ADAMTS14: variants seen among roughly 807,000 people sequenced by gnomAD.
ADAMTS14 encodes the protein A disintegrin and metalloproteinase with thrombospondin motifs 14.
ADAMTS14 carries 100 observed loss-of-function variants against 128.6 expected under a neutral mutation model. That is an observed-to-expected ratio of 0.78 (90% CI 0.66 to 0.92). The LOEUF (loss-of-function observed/expected upper bound fraction) is 0.92. ADAMTS14 is among the 40% of genes least tolerant of loss of function. The pLI is 0.00. For missense variants in ADAMTS14, 1,562 were observed against 1,658.6 expected (o/e 0.94, Z 1.01); for synonymous variants, 665 against 653.8 (o/e 1.02, Z -0.26).
At chr10:70,686,883 A>C (rs1444310200) in intron 2 of ADAMTS14, among the ~76,000 whole-genome samples, 7 of 58,890 alleles carry the variant, frequency 1.2e-4, no homozygotes, top group Admixed American at 3.8e-4. Context: ...GGGGGGGCTG[A>C]CCCCCCCCAC....
intron 15 of ADAMTS14, among the ~76,000 whole-genome samples, 184 bp from the exon 16 acceptor site, chr10:70,749,636 TGC>T (rs112579615): frequency 6.9e-6 from 1 of 145,926 alleles, no homozygotes; most frequent in Non-Finnish European, 1.5e-5. Context: ...TGTGTGTGTG[TGC>T]GCGCACGTGG....
chr10:70,688,028 A>G (rs1484973616), intron 2 of ADAMTS14, among the ~76,000 whole-genome samples: 2 of 55,008 alleles, frequency 3.6e-5, no homozygotes, highest in African/African-American at 7.2e-5. Context: ...CTCACTTCCC[A>G]GATGGGGTGG....
At chr10:70,758,868 GGATA>G (rs1842540262) in intron 21 of ADAMTS14, among the ~76,000 whole-genome samples, 2 of 152,056 alleles carry the variant, frequency 1.3e-5, no homozygotes, top group Admixed American at 6.6e-5. Context: ...ATCCACCCAC[GGATA>G]GATATTTACT....
At chr10:70,705,889 T>C (rs1452539829) in intron 3 of ADAMTS14, among the ~76,000 whole-genome samples, 1 of 152,194 alleles carries the variant, frequency 6.6e-6, no homozygotes. Context: ...GCTGTGAACA[T>C]TCATGTGCAA....
At chr10:70,707,214 G>A (rs1388723350) in intron 3 of ADAMTS14, among the ~76,000 whole-genome samples, 1 of 152,180 alleles carries the variant, frequency 6.6e-6, no homozygotes, top group Non-Finnish European at 1.5e-5. Context: ...CAGAGGCCCG[G>A]CCTTTATCAC....
intron 4 of ADAMTS14, among the ~76,000 whole-genome samples, chr10:70,709,658 G>A (rs1272137688): frequency 1.3e-5 from 2 of 151,942 alleles, no homozygotes; most frequent in African/African-American, 4.8e-5. Flanking sequence ...CTGCCACCAT[G>A]CCCGGCTAAT....
intron 2 of ADAMTS14, among the ~76,000 whole-genome samples, chr10:70,681,736 G>T (rs1839813014): frequency 6.6e-6 from 1 of 152,202 alleles, no homozygotes; most frequent in African/African-American, 2.4e-5. Flanking sequence ...GGTGTGGAGT[G>T]TGGAGGCTTG....
intron 4 of ADAMTS14, among the ~76,000 whole-genome samples, 158 bp from the exon 5 acceptor site, chr10:70,729,136 C>G (rs1841537741): frequency 6.6e-6 from 1 of 152,050 alleles, no homozygotes; most frequent in Non-Finnish European, 1.5e-5. Context: ...CATTTTGCCC[C>G]CTCAGTCTCA....
In ADAMTS14 at chr10:70,708,695, G is replaced by T; in HGVS notation, c.787G>T (p.Val263Leu). Residue 263 changes from valine (V) to leucine (L), a missense_variant, in exon 4 of 22, where the codon GTG (valine) becomes TTG (leucine). Val to Leu is a conservative substitution (Grantham distance 32). Coordinates refer to ENST00000373207, the MANE Select transcript of ADAMTS14 (RefSeq NM_080722.4). ...HAKPGSYSIEVLLVVDDSVVR... is the reference protein window; with the variant it reads ...HAKPGSYSIELLLVVDDSVVR... ...CAAGCCAGGCAGCTACAGCATCGAG[G>T]TGCTGCTGGTGGTGGACGACTCGGT... is the stretch of plus-strand genomic sequence containing the variant. 6.2e-7 allele frequency: 1 copy of T among 1,613,858 alleles called. No individual in the cohort carries two copies. The highest frequency in any genetic ancestry group is 1.3e-5 in the African/African-American group (1 of 74,996).
At position 70,761,084 on chromosome 10, in the gene ADAMTS14, G is replaced by C; in HGVS notation, c.*231G>C. The C allele has an allele frequency of 1.7e-6, 1 of 575,532 alleles. No individual in the cohort carries two copies. The highest frequency in any genetic ancestry group is 2.8e-6 in the Non-Finnish European group (1 of 356,846). 35.7% of individuals were successfully genotyped at this position (575,532 alleles called of 1,614,324 possible). A position where few individuals can be genotyped will look rare whatever the true frequency, so the allele number is the denominator to read the frequency against. ...ATACCTCAGCAAGCTGCCCCCGGCG[G>C]GACTGACCCTCTCAGGGCCCCTGTT... On this transcript the variant is annotated 3_prime_UTR_variant, in exon 22 of 22. Coordinates refer to ENST00000373207, the MANE Select transcript of ADAMTS14 (RefSeq NM_080722.4).
chr10:70,761,072 C>G lies in ADAMTS14; in HGVS notation c.*219C>G. The G allele has an allele frequency of 1.5e-6, 1 of 674,420 alleles. No homozygotes were observed. Among genetic ancestry groups the G allele is most frequent in the Non-Finnish European group, 2.3e-6 (1 of 439,746 alleles). The allele number at this position is 674,420 out of a possible 1,614,324, so 41.8% of individuals were successfully genotyped here. A position where few individuals can be genotyped will look rare whatever the true frequency, so the allele number is the denominator to read the frequency against. The stretch of plus-strand genomic sequence containing the variant: ...CCCTAATCGGAGATACCTCAGCAAG[C>G]TGCCCCCGGCGGGACTGACCCTCTC... On this transcript the variant is annotated 3_prime_UTR_variant, in exon 22 of 22. Coordinates refer to ENST00000373207, the MANE Select transcript of ADAMTS14 (RefSeq NM_080722.4).
At chr10:70,702,795 C>G (rs974848292) in intron 3 of ADAMTS14, among the ~76,000 whole-genome samples, 3 of 152,074 alleles carry the variant, frequency 2.0e-5, no homozygotes, top group African/African-American at 7.2e-5. Context: ...GTGAGTTCTT[C>G]CCCCCTAAAA....
intron 4 of ADAMTS14, among the ~76,000 whole-genome samples, chr10:70,709,059 G>T (rs976828041): frequency 1.4e-4 from 21 of 152,214 alleles, no homozygotes; most frequent in African/African-American, 4.6e-4. Context: ...GGCCTCCTGC[G>T]CTGGAGCCTG....
intron 12 of ADAMTS14, among the ~76,000 whole-genome samples, chr10:70,741,980 G>A (rs61852905): frequency 0.21 from 32,677 of 152,022 alleles, 4,467 homozygotes; most frequent in Non-Finnish European, 0.31. Flanking sequence ...ACAACTCTTG[G>A]CCCAGACAGC....
rs539115911 is a variant in ADAMTS14 at position 70,713,889 on chromosome 10, C to T, written c.870+5111C>T. 6.7e-4 allele frequency among the ~76,000 whole-genome samples: 102 copies of T among 152,278 alleles called. 1 individual carries two copies. Among genetic ancestry groups the T allele is most frequent in the African/African-American group, 2.3e-3 (95 of 41,550 alleles). ...GCTTATACTGCTGTGTGTCTGCAGA[C>T]CACTGCACAAGATATAATTGCAAGC... On this transcript the variant is annotated intron_variant, in intron 4 of 21. Coordinates refer to ENST00000373207, the MANE Select transcript of ADAMTS14 (RefSeq NM_080722.4).
intron 6 of ADAMTS14, among the ~76,000 whole-genome samples, chr10:70,731,799 C>T (rs1213654709): frequency 1.3e-5 from 2 of 152,212 alleles, no homozygotes; most frequent in Non-Finnish European, 2.9e-5. Context: ...AACCACAGTT[C>T]TTTAGCTGTG....
At chr10:70,717,321 G>A (rs906213455) in intron 4 of ADAMTS14, among the ~76,000 whole-genome samples, 3 of 152,132 alleles carry the variant, frequency 2.0e-5, no homozygotes, top group Non-Finnish European at 2.9e-5. Flanking sequence ...TCATTGCTGA[G>A]CCTGCCCTGG....
chr10:70,702,564 A>T, intron 3 of ADAMTS14, 96 bp downstream of exon 3: 1 of 1,452,936 alleles, frequency 6.9e-7, no homozygotes, highest in South Asian at 1.4e-5. Context: ...GTCTGGCCTC[A>T]GTCTTCTTAT....
intron 4 of ADAMTS14, among the ~76,000 whole-genome samples, chr10:70,717,184 C>A (rs916837139): frequency 2.0e-5 from 3 of 152,156 alleles, no homozygotes; most frequent in African/African-American, 7.2e-5. Flanking sequence ...TTTGGTCTGG[C>A]TGCAAAAACA....
Sources: allele counts gnomAD v4.1 joint callset (sites outside exome capture counted in the v4.1 genomes callset), GRCh38; gene constraint gnomAD v4.1.1; transcripts MANE v1.5; gene names NCBI Gene and HGNC (gene_info 2026-07-23, HGNC 2026-07-21).